UBAC2: variants seen among roughly 807,000 people sequenced by gnomAD.
The protein encoded by UBAC2 is UBA domain containing 2.
UBAC2 carries 26 observed loss-of-function variants against 44.0 expected under a neutral mutation model. That is an observed-to-expected ratio of 0.59 (90% CI 0.43 to 0.82). UBAC2 has a LOEUF of 0.82. Ranked by LOEUF, UBAC2 falls within the 40% of genes least tolerant of loss-of-function variation. UBAC2 has a pLI of 0.00. For synonymous variants in UBAC2, 155 were observed against 154.3 expected (o/e 1.00, Z -0.04); for missense variants, 329 against 419.4 (o/e 0.78, Z 1.88).
In UBAC2 at chr13:99,385,622, G is replaced by C. The variant is rs140514159; in HGVS notation, c.*287G>C. ...AATGTGTTTAAAATGCATTAAAATGGAAGATTTCTGCAGGCAGTTGAATGG... is the reference window on the plus strand; with the variant it reads ...AATGTGTTTAAAATGCATTAAAATGCAAGATTTCTGCAGGCAGTTGAATGG... On this transcript the variant is annotated 3_prime_UTR_variant, in exon 9 of 9. Coordinates refer to ENST00000403766, the MANE Select transcript of UBAC2 (RefSeq NM_001144072.2). The C allele has an allele frequency of 5.5e-6, 2 of 365,802 alleles. No homozygotes were observed. The highest frequency in any genetic ancestry group is 1.0e-5 in the Non-Finnish European group (2 of 196,420). The allele number at this position is 365,802 out of a possible 1,614,324, so 22.7% of individuals were successfully genotyped here. A position where few individuals can be genotyped will look rare whatever the true frequency, so the allele number is the denominator to read the frequency against.
At chr13:99,374,539 C>T (rs980322022) in intron 8 of UBAC2, among the ~76,000 whole-genome samples, 1 of 152,186 alleles carries the variant, frequency 6.6e-6, no homozygotes, top group African/African-American at 2.4e-5. Flanking sequence ...TGCTTTCACT[C>T]TTAGCTGATA....
rs200227025 is a variant in UBAC2, at chr13:99,314,231, C to T, written c.513+11C>T. ...ATATTGGGACTGCAGGTACAGTATG[C>T]ATTTTTATGTTCACTTTTCTTTAAC... On this transcript the variant is annotated intron_variant, in intron 5 of 8. Coordinates refer to ENST00000403766, the MANE Select transcript of UBAC2 (RefSeq NM_001144072.2). 1.3e-6 allele frequency: 2 copies of T among 1,517,426 alleles called. No homozygotes were observed. The highest frequency in any genetic ancestry group is 2.4e-5 in the East Asian group (1 of 41,850). 94.0% of individuals were successfully genotyped at this position (1,517,426 alleles called of 1,614,324 possible).
At position 99,294,954 on chromosome 13, in the gene UBAC2, T is replaced by C. The variant is rs767618741; in HGVS notation, c.390-19143T>C. ...GGGAAAGTGCCCAATGAAAGAAATA[T>C]AAAAGAATACTAATTGGAAGCTGAA... On this transcript the variant is annotated intron_variant, in intron 4 of 8. Transcript: ENST00000403766. 1.3e-5 allele frequency: 17 copies of C among 1,313,524 alleles called. No homozygotes were observed. The South Asian group carries it at 1.3e-4, about 10-fold the overall frequency. 81.4% of individuals were successfully genotyped at this position (1,313,524 alleles called of 1,614,324 possible).
At chr13:99,376,888 T>C (rs1432010318) in intron 8 of UBAC2, 4 of 152,220 alleles carry the variant, frequency 2.6e-5, no homozygotes, top group African/African-American at 7.2e-5. Flanking sequence ...TTTTAGAAAA[T>C]TTCTTTGAGA....
intron 4 of UBAC2, among the ~76,000 whole-genome samples, chr13:99,287,598 C>T (rs1238430022): frequency 6.7e-6 from 1 of 149,724 alleles, no homozygotes; most frequent in African/African-American, 2.5e-5. Context: ...CATGTTGTAA[C>T]AAGAGTAAGG....
chr13:99,247,300 C>T lies in UBAC2; in HGVS notation c.389+2676C>T, dbSNP rs377701888. The stretch of plus-strand genomic sequence containing the variant: ...CGCGATCTCGGCTCACTGCAAGCTC[C>T]GCCTCCCCGGTTCACGCCATTCTCC... On this transcript the variant is annotated intron_variant, in intron 4 of 8. Coordinates refer to ENST00000403766, the MANE Select transcript of UBAC2 (RefSeq NM_001144072.2). Among the ~76,000 whole-genome samples the T allele has an allele frequency of 3.2e-4, 49 of 151,726 alleles. 2 individuals carry two copies. Among genetic ancestry groups the T allele is most frequent in the East Asian group, 2.5e-3 (13 of 5,168 alleles).
intron 7 of UBAC2, among the ~76,000 whole-genome samples, chr13:99,354,226 ACATT>A (rs1291308186): frequency 3.3e-5 from 5 of 152,216 alleles, no homozygotes; most frequent in African/African-American, 2.4e-5. Context: ...TGTACAGGTG[ACATT>A]CATGAGCAGT....
At chr13:99,301,374 A>T (rs2044254390) in intron 4 of UBAC2, among the ~76,000 whole-genome samples, 1 of 152,218 alleles carries the variant, frequency 6.6e-6, no homozygotes, top group Non-Finnish European at 1.5e-5. Flanking sequence ...AACAAAGGAG[A>T]CAATCCCAGT....
At chr13:99,228,732 G>C (rs907446581) in intron 1 of UBAC2, among the ~76,000 whole-genome samples, 2 of 152,146 alleles carry the variant, frequency 1.3e-5, no homozygotes, top group African/African-American at 2.4e-5. Flanking sequence ...TAGTCATGGT[G>C]CTCTCCTCTA....
At chr13:99,204,023 A>G (rs2042838068) in intron 1 of UBAC2, among the ~76,000 whole-genome samples, 1 of 152,210 alleles carries the variant, frequency 6.6e-6, no homozygotes, top group Non-Finnish European at 1.5e-5. Flanking sequence ...CTTGTAGACC[A>G]ATGCTGTCAC....
intron 7 of UBAC2, among the ~76,000 whole-genome samples, chr13:99,362,828 C>T (rs2045283286): frequency 6.6e-6 from 1 of 152,166 alleles, no homozygotes; most frequent in Non-Finnish European, 1.5e-5. Flanking sequence ...CATTTTCTCT[C>T]AATCTGTAGT....
At chr13:99,313,715 G>T (rs1024353124) in intron 4 of UBAC2, among the ~76,000 whole-genome samples, 13 of 152,158 alleles carry the variant, frequency 8.5e-5, no homozygotes, top group African/African-American at 2.9e-4. Flanking sequence ...TCACTGGACA[G>T]GGCTTGAGAT....
chr13:99,263,878 C>T (rs2043704506), intron 4 of UBAC2, among the ~76,000 whole-genome samples: 2 of 152,014 alleles, frequency 1.3e-5, no homozygotes. Context: ...TTGAAAAAGC[C>T]AGACATGAAG....
intron 4 of UBAC2, among the ~76,000 whole-genome samples, chr13:99,284,962 C>T (rs1201519950): frequency 6.6e-6 from 1 of 152,048 alleles, no homozygotes; most frequent in African/African-American, 2.4e-5. Context: ...TAAAATGAGC[C>T]CTATTACCCA....
chr13:99,351,508 T>G, intron 7 of UBAC2: 1 of 456,704 alleles, frequency 2.2e-6, no homozygotes, highest in Non-Finnish European at 4.4e-6. Flanking sequence ...GTCCCTGCTG[T>G]AGAAGGTTAT....
intron 4 of UBAC2, among the ~76,000 whole-genome samples, chr13:99,302,360 T>C (rs2044268668): frequency 6.6e-6 from 1 of 152,172 alleles, no homozygotes; most frequent in South Asian, 2.1e-4. Flanking sequence ...TTCAAAGATA[T>C]GGTTCTACTG....
chr13:99,306,792 T>C (rs1330206244), intron 4 of UBAC2, among the ~76,000 whole-genome samples: 1 of 152,192 alleles, frequency 6.6e-6, no homozygotes, highest in East Asian at 1.9e-4. Flanking sequence ...AAAGCAAAGA[T>C]TGGTACTCTT....
At chr13:99,254,824 G>A (rs1049474617) in intron 4 of UBAC2, 3 of 1,382,496 alleles carry the variant, frequency 2.2e-6, no homozygotes, top group African/African-American at 1.4e-5. Context: ...ATTGACGCCA[G>A]AGTAGTTAGT....
intron 4 of UBAC2, among the ~76,000 whole-genome samples, chr13:99,287,069 A>AC (rs1350922085): frequency 6.6e-6 from 1 of 152,202 alleles, no homozygotes; most frequent in Non-Finnish European, 1.5e-5. Flanking sequence ...TATAATGACT[A>AC]CCATGTACCC....
Sources: gnomAD v4.1 joint callset for allele counts (sites outside exome capture counted in the v4.1 genomes callset) on GRCh38, gnomAD v4.1.1 for gene constraint, MANE v1.5 for transcripts, NCBI Gene and HGNC (gene_info 2026-07-23, HGNC 2026-07-21) for gene names.